Variants in TAF1A observed in about 807,000 individuals in gnomAD.
TAF1A encodes TATA-box binding protein associated factor, RNA polymerase I subunit A.
TAF1A carries 42 observed loss-of-function variants against 61.6 expected under a neutral mutation model. That is an observed-to-expected ratio of 0.68 (90% confidence interval 0.53 to 0.88). The LOEUF (loss-of-function observed/expected upper bound fraction) is 0.88, where lower values mean the gene tolerates loss of function less well. Among genes scored for constraint, TAF1A ranks in the 40% least tolerant of loss-of-function variants. TAF1A has a pLI of 0.00. For synonymous variants in TAF1A, 179 were observed against 177.7 expected (o/e 1.01, Z -0.06); for missense variants, 424 against 518.7 (o/e 0.82, Z 1.77).
intron 4 of TAF1A, among the ~76,000 whole-genome samples, chr1:222,579,012 T>G (rs568833822): frequency 6.6e-6 from 1 of 152,176 alleles, no homozygotes; most frequent in African/African-American, 2.4e-5. Context: ...TAAATGGCTA[T>G]CCAGTTTAGA....
Position 222,561,438 on chromosome 1 carries a change from G to T in TAF1A, c.1166C>A (p.Ala389Glu). Residue 389 changes from alanine to glutamate, a missense_variant, in exon 10 of 11, where the codon GCA becomes GAA. Physicochemically the swap from Ala to Glu is moderately radical, Grantham distance 107. Coordinates refer to ENST00000352967, the MANE Select transcript of TAF1A (RefSeq NM_005681.4). ...WPGFHFSYFW[A>E]KSDWKEDTAL... Reference sequence around the variant, plus strand: ...TGTATCTTCCTTCCAATCACTTTTTGCCCAAAAGTAGCTGAAATGAAAGCC... The same window carrying T: ...TGTATCTTCCTTCCAATCACTTTTTTCCCAAAAGTAGCTGAAATGAAAGCC... The T allele has an allele frequency of 1.2e-6, 2 of 1,611,944 alleles. No individual in the cohort carries two copies. Among genetic ancestry groups the T allele is most frequent in the Non-Finnish European group, 8.5e-7 (1 of 1,179,032 alleles).
chr1:222,565,576 C>T (rs1044617067), intron 7 of TAF1A, among the ~76,000 whole-genome samples: 1 of 152,146 alleles, frequency 6.6e-6, no homozygotes, highest in Non-Finnish European at 1.5e-5. Context: ...GTTTTAAACA[C>T]AATCCTTAAT....
In TAF1A at chr1:222,561,640, CA is replaced by C. The variant is rs149752021; in HGVS notation, c.1086-123del. On this transcript the variant is annotated intron_variant, in intron 9 of 10. Transcript: ENST00000352967. ...GGAAGATGCTTCCAAGCTAAATTCT[CA>C]ATATGGCCAAGGCATAACACATGAT... is the stretch of plus-strand genomic sequence containing the variant. The C allele has an allele frequency of 1.4e-3, 1,325 of 977,408 alleles. 17 individuals carry two copies. The African/African-American group carries it at 0.02, about 15-fold the overall frequency. The allele number at this position is 977,408 out of a possible 1,614,324, so 60.5% of individuals were successfully genotyped here.
intron 4 of TAF1A, 25 bp downstream of exon 4, chr1:222,579,733 TA>T (rs1660710589): frequency 6.3e-7 from 1 of 1,588,194 alleles, no homozygotes; most frequent in African/African-American, 1.4e-5. Context: ...ACTGCAAGTG[TA>T]AATTCACAAA....
chr1:222,582,589 C>T (rs565008895), intron 3 of TAF1A, among the ~76,000 whole-genome samples: 1 of 152,276 alleles, frequency 6.6e-6, no homozygotes, highest in East Asian at 1.9e-4. Context: ...AATTCCACTC[C>T]CAGGTGTAGA....
chr1:222,582,562 G>A (rs554102130), intron 3 of TAF1A, among the ~76,000 whole-genome samples: 22 of 152,298 alleles, frequency 1.4e-4, no homozygotes, highest in Non-Finnish European at 3.1e-4. Flanking sequence ...TAAACATAGT[G>A]TTACCATATG....
intron 1 of TAF1A, 130 bp downstream of exon 1, chr1:222,589,594 CCTT>C (rs1259390377): frequency 2.0e-5 from 3 of 153,770 alleles, no homozygotes; most frequent in African/African-American, 7.2e-5. Flanking sequence ...TTCTCTATCC[CCTT>C]CTTTCGTTTT....
At chr1:222,565,660 T>G (rs1417603482) in intron 7 of TAF1A, among the ~76,000 whole-genome samples, 21 of 152,090 alleles carry the variant, frequency 1.4e-4, no homozygotes, top group Non-Finnish European at 4.4e-5. Context: ...AGGTATTGTT[T>G]AGTCCAGCCT....
At chr1:222,564,204 G>A (rs1443724012) in intron 7 of TAF1A, 79 bp from the exon 8 acceptor site, 2 of 785,192 alleles carry the variant, frequency 2.5e-6, no homozygotes, top group East Asian at 3.3e-5. Context: ...TCAAAATAAA[G>A]TTCTTACTGT....
downstream of TAF1A, among the ~76,000 whole-genome samples, chr1:222,556,213 C>G (rs114971917): frequency 1.3e-5 from 2 of 152,182 alleles, no homozygotes; most frequent in African/African-American, 4.8e-5. Flanking sequence ...TGTGGGGGTG[C>G]CCTGTGCCCT....
chr1:222,558,832 T>A, intron 10 of TAF1A, 60 bp from the exon 11 acceptor site: 1 of 803,986 alleles, frequency 1.2e-6, no homozygotes, highest in Non-Finnish European at 1.9e-6. Flanking sequence ...AGTATATTTC[T>A]ACATTTTAAA....
Position 222,577,470 on chromosome 1 carries a change from T to C in TAF1A, c.579A>G (p.Glu193=), listed in dbSNP as rs780044884. 5.0e-6 allele frequency: 8 copies of C among 1,613,918 alleles called. No homozygotes were observed. In the Admixed American group the frequency reaches 1.3e-4, roughly 27 times the overall value. The change falls in exon 5 of 11, where the codon GAA becomes GAG. Residue 193 remains glutamate, a synonymous_variant. Coordinates refer to ENST00000352967, the MANE Select transcript of TAF1A (RefSeq NM_005681.4). ...KGLLQYYTWS[E]KKMELSKLDK... Reference sequence around the variant, plus strand: ...CAAGCTTTGACAATTCCATCTTCTTTTCAGACCAGGTATAATACTGTAAAA... The same window carrying C: ...CAAGCTTTGACAATTCCATCTTCTTCTCAGACCAGGTATAATACTGTAAAA...
In TAF1A at chr1:222,558,693, C is replaced by T. The variant is rs1250379367; in HGVS notation, c.1320G>A (p.Val440=). Residue 440 remains valine, a synonymous_variant, in exon 11 of 11, where the codon GTG becomes GTA. Coordinates refer to ENST00000352967, the MANE Select transcript of TAF1A (RefSeq NM_005681.4). ...GKKIKRMKRS[V]KKYSIVNPRL ...TTGGATTTACAATACTGTATTTTTT[C>T]ACAGATCTCTTCATCCGCTTAATTT... 1 of 1,572,788 alleles carries T rather than the reference C, an allele frequency of 6.4e-7. No individual in the cohort carries two copies. Among genetic ancestry groups the T allele is most frequent in the Admixed American group, 1.9e-5 (1 of 53,958 alleles).
At chr1:222,585,104 G>C (rs1442811053) in intron 2 of TAF1A, among the ~76,000 whole-genome samples, 1 of 152,158 alleles carries the variant, frequency 6.6e-6, no homozygotes, top group African/African-American at 2.4e-5. Context: ...CACACTATCT[G>C]AAGGTGAAAA....
rs561120581 is a variant in TAF1A at position 222,566,135 on chromosome 1, C to T, written c.895-2010G>A. Among the ~76,000 whole-genome samples the T allele has an allele frequency of 2.0e-5, 3 of 152,090 alleles. 1 individual carries two copies. In the South Asian group the frequency reaches 6.2e-4, roughly 32 times the overall value. On this transcript the variant is annotated intron_variant, in intron 7 of 10. Coordinates refer to ENST00000352967, the MANE Select transcript of TAF1A (RefSeq NM_005681.4). ...ATTCCTATAATTTAACAACAAAAACCAAACAACCCAATTCATAAAAGGGCA... is the reference window on the plus strand; with the variant it reads ...ATTCCTATAATTTAACAACAAAAACTAAACAACCCAATTCATAAAAGGGCA...
chr1:222,577,770 A>AT, intron 4 of TAF1A, 127 bp from the exon 5 acceptor site: 1 of 798,954 alleles, frequency 1.3e-6, no homozygotes. Context: ...GACATGGAAA[A>AT]TTTTGATGTT....
intron 5 of TAF1A, among the ~76,000 whole-genome samples, chr1:222,572,351 A>G (rs533054842): frequency 6.6e-6 from 1 of 152,218 alleles, no homozygotes; most frequent in Admixed American, 6.5e-5. Context: ...ATAGGTAACT[A>G]ATTTTCTTTT....
At chr1:222,557,106 G>A (rs1422431153), downstream of TAF1A, among the ~76,000 whole-genome samples, 1 of 152,130 alleles carries the variant, frequency 6.6e-6, no homozygotes, top group Non-Finnish European at 1.5e-5. Context: ...TCTTGCAGAT[G>A]GTTTAGAATT....
At chr1:222,579,050 T>G (rs1660684918) in intron 4 of TAF1A, among the ~76,000 whole-genome samples, 3 of 152,136 alleles carry the variant, frequency 2.0e-5, no homozygotes, top group Non-Finnish European at 4.4e-5. Context: ...AGAGCACACA[T>G]CAGGGTAGGC....
Sources: allele counts gnomAD v4.1 joint callset (sites outside exome capture counted in the v4.1 genomes callset), GRCh38; gene constraint gnomAD v4.1.1; transcripts MANE v1.5; gene names NCBI Gene and HGNC (gene_info 2026-07-23, HGNC 2026-07-21).